POT1: variants seen among roughly 807,000 people sequenced by gnomAD.
POT1 encodes protection of telomeres protein 1.
Under a neutral mutation model 78.5 loss-of-function variants are expected in POT1, and 47 were observed. The ratio of observed to expected loss-of-function variants is 0.60; its 90% confidence interval spans 0.47 to 0.76. POT1 has a LOEUF of 0.76. Among genes scored for constraint, POT1 ranks in the 30% least tolerant of loss-of-function variants. The pLI is 0.00. For synonymous variants in POT1, 259 were observed against 260.7 expected (o/e 0.99, Z 0.06); for missense variants, 646 against 749.9 (o/e 0.86, Z 1.62).
At chr7:124,878,649 T>C (rs904195604) in intron 6 of POT1, among the ~76,000 whole-genome samples, 4 of 152,098 alleles carry the variant, frequency 2.6e-5, no homozygotes, top group Non-Finnish European at 5.9e-5. Flanking sequence ...AATAATCCCA[T>C]ACACAACTAC....
chr7:124,830,717 GCTTTT>G (rs999890053), intron 15 of POT1, among the ~76,000 whole-genome samples: 5 of 151,988 alleles, frequency 3.3e-5, no homozygotes, highest in Admixed American at 2.6e-4. Context: ...TTAGCCATAA[GCTTTT>G]ATTTATGAGT....
rs35845455 is a variant in POT1 at position 124,924,156 on chromosome 7, C to CAA, written c.-227+4657_-227+4658dup. ...GAGCAGAACTAAATGAACAAAAATCCAAAAAAAAAAAAACCCAAAGGATCA... is the reference window on the plus strand; with the variant it reads ...GAGCAGAACTAAATGAACAAAAATCCAAAAAAAAAAAAAAACCCAAAGGATCA... On this transcript the variant is annotated intron_variant, in intron 2 of 18. Transcript: ENST00000357628. Among the ~76,000 whole-genome samples the CAA allele has an allele frequency of 6.9e-3, 847 of 123,364 alleles. 10 individuals carry two copies. The highest frequency in any genetic ancestry group is 0.019 in the Middle Eastern group (4 of 216). The allele number at this position is 123,364 out of a possible 152,430, so 80.9% of individuals were successfully genotyped here.
chr7:124,889,343 C>G (rs1474882374), intron 6 of POT1, among the ~76,000 whole-genome samples: 1 of 152,032 alleles, frequency 6.6e-6, no homozygotes, highest in Non-Finnish European at 1.5e-5. Context: ...GAAGACAAAT[C>G]TGAAGCTATC....
intron 2 of POT1, among the ~76,000 whole-genome samples, chr7:124,923,474 C>T (rs1391739107): frequency 2.0e-5 from 3 of 151,270 alleles, no homozygotes; most frequent in African/African-American, 7.3e-5. Context: ...TGCGGTCAGG[C>T]AAAAATAGGA....
intron 6 of POT1, among the ~76,000 whole-genome samples, chr7:124,886,190 C>T (rs1563005418): frequency 6.6e-6 from 1 of 152,124 alleles, no homozygotes; most frequent in Non-Finnish European, 1.5e-5. Flanking sequence ...GATGAATTTT[C>T]ACGAAAAATT....
At chr7:124,910,277 C>A (rs1322847473) in intron 3 of POT1, among the ~76,000 whole-genome samples, 2 of 151,610 alleles carry the variant, frequency 1.3e-5, no homozygotes, top group African/African-American at 4.8e-5. Flanking sequence ...TCTTCTCAGA[C>A]AAATATTTGC....
At chr7:124,837,103 T>C (rs74356464) in intron 14 of POT1, 1,785 of 175,014 alleles carry the variant, frequency 0.01, 35 homozygotes, top group African/African-American at 0.04. Context: ...AGGCCTAAGT[T>C]TGAATTTTTT....
chr7:124,918,696 T>A (rs1797075575), intron 2 of POT1, among the ~76,000 whole-genome samples: 1 of 152,128 alleles, frequency 6.6e-6, no homozygotes, highest in African/African-American at 2.4e-5. Context: ...GAGACTGATG[T>A]CCCAGAATTA....
chr7:124,897,138 T>G (rs764072171), intron 5 of POT1, 27 bp downstream of exon 5: 1 of 1,410,466 alleles, frequency 7.1e-7, no homozygotes, highest in Admixed American at 1.9e-5. Context: ...GGTGTAATAC[T>G]CTAAATTAAA....
intron 15 of POT1, among the ~76,000 whole-genome samples, chr7:124,829,768 C>G (rs542684426): frequency 6.6e-6 from 1 of 151,934 alleles, no homozygotes; most frequent in Non-Finnish European, 1.5e-5. Context: ...ACTCTGTCAC[C>G]CAGGCACTGT....
rs1338919681 is a variant in POT1, at chr7:124,928,634, G to C, written c.-227+181C>G. Reference sequence around the variant, plus strand: ...AAACTTACTCCAATGTTTCACACACGAATTTGATAATTGTTCGCTAAATAA... The same window carrying C: ...AAACTTACTCCAATGTTTCACACACCAATTTGATAATTGTTCGCTAAATAA... On this transcript the variant is annotated intron_variant, in intron 2 of 18. Transcript: ENST00000357628. Among the ~76,000 whole-genome samples the C allele has an allele frequency of 4.6e-5, 7 of 152,106 alleles. No individual in the cohort carries two copies. In the South Asian group the frequency reaches 1.4e-3, roughly 31 times the overall value.
intron 11 of POT1, 67 bp downstream of exon 11, chr7:124,851,805 G>C (rs1795312880): frequency 3.7e-6 from 4 of 1,088,606 alleles, no homozygotes; most frequent in Non-Finnish European, 5.6e-6. Flanking sequence ...ACATTACAAA[G>C]AATTATGTTG....
Sources: gnomAD v4.1 joint callset for allele counts (sites outside exome capture counted in the v4.1 genomes callset) on GRCh38, gnomAD v4.1.1 for gene constraint, MANE v1.5 for transcripts, NCBI Gene and HGNC (gene_info 2026-07-23, HGNC 2026-07-21) for gene names.